RBFOX1: variants seen among roughly 807,000 people sequenced by gnomAD.
The protein encoded by RBFOX1 is RNA binding fox-1 homolog 1.
RBFOX1 carries 8 observed loss-of-function variants against 57.7 expected under a neutral mutation model. The observed-to-expected ratio is 0.14, with a 90% CI of 0.08 to 0.25. The LOEUF (loss-of-function observed/expected upper bound fraction) is 0.25. Among genes scored for constraint, RBFOX1 ranks in the 10% least tolerant of loss-of-function variants. RBFOX1 has a pLI of 1.00. For synonymous variants in RBFOX1, 326 were observed against 222.4 expected (o/e 1.47, Z -4.15); for missense variants, 611 against 548.5 (o/e 1.11, Z -1.14).
chr16:5,289,195 C>T lies in RBFOX1; in HGVS notation c.219+49090C>T. The T allele has an allele frequency of 9.8e-6, 3 of 306,156 alleles. No individual in the cohort carries two copies. In the East Asian group the frequency reaches 2.0e-4, roughly 21 times the overall value. The allele number at this position is 306,156 out of a possible 1,614,324, so 19.0% of individuals were successfully genotyped here. On this transcript the variant is annotated intron_variant, in intron 1 of 2. Transcript: ENST00000585867. Reference sequence around the variant, plus strand: ...TGATGTAATGAGGCCTCCCCTCTATCCTTATCTGTCTGGTCGAGTCATTCT... The same window carrying T: ...TGATGTAATGAGGCCTCCCCTCTATTCTTATCTGTCTGGTCGAGTCATTCT...
rs2090474859 is a variant in RBFOX1, at chr16:6,987,175, C to G, written c.-15-64882C>G. On this transcript the variant is annotated intron_variant, in intron 3 of 15. Transcript: ENST00000550418. ...CAGAGAGCAGCATTTTGATAGAGGA[C>G]TGAAGTGTTTTGCCAAGTCTTGATT... is the stretch of plus-strand genomic sequence containing the variant. Among the ~76,000 whole-genome samples the G allele has an allele frequency of 2.0e-5, 3 of 152,022 alleles. No homozygotes were observed. The South Asian group carries it at 6.2e-4, about 32-fold the overall frequency.
At chr16:5,292,457 G>A (rs567402983) in intron 1 of RBFOX1, among the ~76,000 whole-genome samples, 9 of 152,228 alleles carry the variant, frequency 5.9e-5, no homozygotes, top group South Asian at 2.1e-4. Context: ...CAGCCATGTT[G>A]TTAATCCACA....
rs150260154 is a variant in RBFOX1 at position 7,512,079 on chromosome 16, C to T, written c.28-6068C>T. 3.4e-3 allele frequency among the ~76,000 whole-genome samples: 465 copies of T among 135,508 alleles called. 2 individuals are homozygous for T. Among genetic ancestry groups the T allele is most frequent in the Non-Finnish European group, 6.0e-3 (357 of 59,268 alleles). The allele number at this position is 135,508 out of a possible 152,430, so 88.9% of individuals were successfully genotyped here. On this transcript the variant is annotated intron_variant, in intron 4 of 15. Transcript: ENST00000550418. The stretch of plus-strand genomic sequence containing the variant: ...ACCCTGACTCTGCAGATATCAGAAG[C>T]TCTCTCTGATCATTCCACTTATTTA...
intron 4 of RBFOX1, among the ~76,000 whole-genome samples, chr16:5,915,835 A>G (rs560718966): frequency 1.3e-5 from 2 of 151,140 alleles, no homozygotes; most frequent in African/African-American, 4.9e-5. Flanking sequence ...CAGTATAAAA[A>G]GAAAAAAAAA....
chr16:5,898,900 A>G (rs1490301059), intron 4 of RBFOX1, among the ~76,000 whole-genome samples: 1 of 149,682 alleles, frequency 6.7e-6, no homozygotes, highest in Non-Finnish European at 1.5e-5. Context: ...TCTCTATTAA[A>G]AAAAAAAAAA....
At chr16:6,244,326 C>G (rs370660333) in intron 1 of RBFOX1, among the ~76,000 whole-genome samples, 1 of 152,064 alleles carries the variant, frequency 6.6e-6, no homozygotes, top group African/African-American at 2.4e-5. Flanking sequence ...TCTGCTCAAC[C>G]CAGCCTTCAA....
chr16:5,830,193 T>TAG (rs1197307687), intron 3 of RBFOX1, among the ~76,000 whole-genome samples: 3 of 152,104 alleles, frequency 2.0e-5, no homozygotes, highest in African/African-American at 7.2e-5. Context: ...AGTGTTTTGT[T>TAG]AGAGACCATT....
At chr16:5,797,649 G>A (rs2054922394) in intron 3 of RBFOX1, among the ~76,000 whole-genome samples, 1 of 152,164 alleles carries the variant, frequency 6.6e-6, no homozygotes, top group Non-Finnish European at 1.5e-5. Flanking sequence ...AGCCAGCTTG[G>A]CCCATCTTCA....
chr16:7,227,282 C>A (rs1265460070), intron 4 of RBFOX1, among the ~76,000 whole-genome samples: 2 of 97,698 alleles, frequency 2.0e-5, no homozygotes, highest in Non-Finnish European at 5.5e-5. Flanking sequence ...CCACACACAC[C>A]CCACCCCACC....
At chr16:6,601,511 G>C (rs1042289330) in intron 2 of RBFOX1, among the ~76,000 whole-genome samples, 2 of 152,104 alleles carry the variant, frequency 1.3e-5, no homozygotes, top group African/African-American at 2.4e-5. Flanking sequence ...CCAGCGTAAG[G>C]ATCCTGGACC....
chr16:6,984,626 A>G (rs1435181796), intron 3 of RBFOX1, among the ~76,000 whole-genome samples: 1 of 152,092 alleles, frequency 6.6e-6, no homozygotes, highest in African/African-American at 2.4e-5. Flanking sequence ...TGAGTTTACC[A>G]CATGCCTTCT....
At chr16:7,379,079 G>C (rs1245903569) in intron 4 of RBFOX1, among the ~76,000 whole-genome samples, 1 of 152,104 alleles carries the variant, frequency 6.6e-6, no homozygotes, top group East Asian at 1.9e-4. Flanking sequence ...TGTAGTACTG[G>C]GTATGTTTCT....
chr16:6,653,566 A>C (rs1463342637), intron 2 of RBFOX1, among the ~76,000 whole-genome samples: 4 of 152,218 alleles, frequency 2.6e-5, no homozygotes, highest in African/African-American at 9.6e-5. Flanking sequence ...AAAATAGCAG[A>C]AAATCATAGG....
intron 4 of RBFOX1, among the ~76,000 whole-genome samples, chr16:7,498,781 T>G (rs779332041): frequency 6.6e-6 from 1 of 152,274 alleles, no homozygotes; most frequent in South Asian, 2.1e-4. Context: ...CTACAATGCT[T>G]AAGCTGATCT....
At chr16:6,989,385 T>G (rs1273081909) in intron 3 of RBFOX1, among the ~76,000 whole-genome samples, 1 of 152,210 alleles carries the variant, frequency 6.6e-6, no homozygotes, top group Non-Finnish European at 1.5e-5. Context: ...CAGCATTATA[T>G]AGTGTATAAT....
At chr16:5,830,784 C>T (rs570437774) in intron 3 of RBFOX1, among the ~76,000 whole-genome samples, 7 of 152,290 alleles carry the variant, frequency 4.6e-5, no homozygotes, top group African/African-American at 1.7e-4. Context: ...GTGGTTCTAA[C>T]GATACTGACC....
intron 3 of RBFOX1, among the ~76,000 whole-genome samples, chr16:5,725,158 A>G (rs913348469): frequency 1.4e-4 from 21 of 152,208 alleles, no homozygotes; most frequent in African/African-American, 4.8e-4. Flanking sequence ...GTTGCAGAGG[A>G]GGCTAGGCTG....
At chr16:6,250,230 T>C (rs973255411) in intron 1 of RBFOX1, among the ~76,000 whole-genome samples, 2 of 152,204 alleles carry the variant, frequency 1.3e-5, no homozygotes, top group African/African-American at 2.4e-5. Flanking sequence ...TCTTTATACA[T>C]TCTGTTTCTA....
chr16:5,872,036 A>G (rs1597584325), intron 4 of RBFOX1, among the ~76,000 whole-genome samples: 1 of 152,294 alleles, frequency 6.6e-6, no homozygotes, highest in African/African-American at 2.4e-5. Context: ...AGGCCTAGGA[A>G]TCATTTATTT....
Sources: gnomAD v4.1 joint callset for allele counts (sites outside exome capture counted in the v4.1 genomes callset) on GRCh38, gnomAD v4.1.1 for gene constraint, MANE v1.5 for transcripts, NCBI Gene and HGNC (gene_info 2026-07-23, HGNC 2026-07-21) for gene names.